MUC3A: variants seen among roughly 807,000 people sequenced by gnomAD.
The protein encoded by MUC3A is mucin 3A, cell surface associated.
In MUC3A, 109 loss-of-function variants were observed where a neutral mutation model predicts 109.0. That is an observed-to-expected ratio of 1.00 (90% confidence interval 0.86 to 1.17). MUC3A has a LOEUF of 1.17. MUC3A is among the 50% of genes most tolerant of loss of function. MUC3A has a pLI of 0.00. For synonymous variants in MUC3A, 1,398 were observed against 981.4 expected, an observed-to-expected ratio of 1.42 and a Z score of -7.93; for missense variants, 3,537 against 2,469.4, an observed-to-expected ratio of 1.43 and a Z score of -9.16.
Position 100,957,322 on chromosome 7 carries a change from C to T in MUC3A, c.5543C>T (p.Ala1848Val), listed in dbSNP as rs950190863. 2 of 584,288 alleles carry T rather than the reference C, an allele frequency of 3.4e-6. No individual in the cohort carries two copies. The highest frequency in any genetic ancestry group is 6.0e-6 in the Non-Finnish European group (2 of 333,698). The allele number at this position is 584,288 out of a possible 1,614,324, so 36.2% of individuals were successfully genotyped here. The change falls in exon 2 of 12, where the codon GCT (alanine) becomes GTT (valine). Residue 1848 changes from alanine (A) to valine (V), a missense_variant. By Grantham distance (64) the Ala-to-Val change is moderately conservative (BLOSUM62 0). Transcript: ENST00000379458. Reference protein sequence around the residue: ...ETTYPTSLTSALTDSTTRTTY... With the variant: ...ETTYPTSLTSVLTDSTTRTTY... ...ACCTACCCTACTTCTCTTACTAGTG[C>T]TCTCACAGATTCCACGACCAGAACC...
Position 100,956,951 on chromosome 7 carries a change from A to G in MUC3A, c.5172A>G (p.Thr1724=). The G allele has an allele frequency of 2.4e-6, 1 of 417,634 alleles. No homozygotes were observed. The highest frequency in any genetic ancestry group is 4.2e-5 in the Admixed American group (1 of 23,624). 25.9% of individuals were successfully genotyped at this position (417,634 alleles called of 1,614,324 possible). A position where few individuals can be genotyped will look rare whatever the true frequency, so the allele number is the denominator to read the frequency against. ...TPSSTVATTG[T]GQTTFTSSTA... ...CATCCACTGTAGCAACTACAGGCAC[A>G]GGTCAGACTACATTCACCAGTTCAA... Residue 1724 remains threonine (T), a synonymous_variant, in exon 2 of 12, where the codon ACA becomes ACG. Transcript: ENST00000379458.
At position 100,966,459 on chromosome 7, in the gene MUC3A, G is replaced by C. The variant is rs945456500; in HGVS notation, c.9685G>C (p.Gly3229Arg). ...EVAVHWRALV[G>R]GLTAGAALLV... ...GGCCGTCCACTGGAGGGCGCTGGTCGGGGGCCTGACGGCCGGCGCCGCGCT... is the reference window on the plus strand; with the variant it reads ...GGCCGTCCACTGGAGGGCGCTGGTCCGGGGCCTGACGGCCGGCGCCGCGCT... Residue 3229 changes from glycine to arginine, a missense_variant, in exon 9 of 12, where the codon GGG becomes CGG. Transcript: ENST00000379458. The C allele has an allele frequency of 3.0e-6, 4 of 1,343,560 alleles. No individual in the cohort carries two copies. Among genetic ancestry groups the C allele is most frequent in the African/African-American group, 1.5e-5 (1 of 66,780 alleles). The allele number at this position is 1,343,560 out of a possible 1,614,324, so 83.2% of individuals were successfully genotyped here. A position where few individuals can be genotyped will look rare whatever the true frequency, so the allele number is the denominator to read the frequency against.
rs770880235 is a variant in MUC3A, at chr7:100,964,808, C to T, written c.9347C>T (p.Ala3116Val). 3.1e-6 allele frequency: 5 copies of T among 1,598,236 alleles called. No homozygotes were observed. Among genetic ancestry groups the T allele is most frequent in the South Asian group, 2.2e-5 (2 of 91,074 alleles). The change falls in exon 6 of 12, where the codon GCC becomes GTC. Residue 3116 changes from alanine (A) to valine (V), a missense_variant. By Grantham distance (64) the Ala-to-Val change is moderately conservative. Transcript: ENST00000379458. ...KTTLKEGLQNASQDVNSCQDS... is the reference protein window; with the variant it reads ...KTTLKEGLQNVSQDVNSCQDS... ...ACGCTGAAGGAGGGGCTGCAGAACG[C>T]CAGCCAGGATGTGAACAGCTGCCAG... is the stretch of plus-strand genomic sequence containing the variant.
rs997005337 is a variant in MUC3A at position 100,961,024 on chromosome 7, G to A, written c.9052+87G>A. On this transcript the variant is annotated intron_variant, in intron 3 of 11. Transcript: ENST00000379458. ...GACTTATCCCTCTGTGGGGCCTGGA[G>A]GCACCCATGCCTTTTTGCCCGGTCC... The A allele has an allele frequency of 6.3e-6, 10 of 1,587,430 alleles. No individual in the cohort carries two copies. In the African/African-American group the frequency reaches 1.3e-4, roughly 21 times the overall value.
rs763397611 is a variant in MUC3A at position 100,959,186 on chromosome 7, G to A, written c.7407G>A (p.Ala2469=). Residue 2469 remains alanine, a synonymous_variant, in exon 2 of 12, where the codon GCG becomes GCA. Transcript: ENST00000379458. The stretch of plus-strand genomic sequence containing the variant: ...CACATTTTACTACCTCAGAGACTGC[G>A]GTGACTCCCACACCTGTAACCCCAT... The part of the protein sequence containing the change: ...ITSHFTTSET[A]VTPTPVTPSS... 5.1e-5 allele frequency: 81 copies of A among 1,597,732 alleles called. No individual in the cohort carries two copies. Among genetic ancestry groups the A allele is most frequent in the African/African-American group, 1.2e-4 (9 of 74,716 alleles).
Position 100,959,122 on chromosome 7 carries a change from T to A in MUC3A, c.7343T>A (p.Ile2448Asn). The A allele has an allele frequency of 7.0e-7, 1 of 1,418,546 alleles. No individual in the cohort carries two copies. 87.9% of individuals were successfully genotyped at this position (1,418,546 alleles called of 1,614,324 possible). A position where few individuals can be genotyped will look rare whatever the true frequency, so the allele number is the denominator to read the frequency against. Residue 2448 changes from isoleucine to asparagine, a missense_variant, in exon 2 of 12, where the codon ATC becomes AAC. Ile to Asn is a moderately radical substitution (Grantham distance 149). Coordinates refer to ENST00000379458, the MANE Select transcript of MUC3A (RefSeq NM_005960.2). Reference sequence around the variant, plus strand: ...ACTCCCAGCCTCAGTTCTTCAACCATCTACTCCACAGTCAGCACATCCACA... The same window carrying A: ...ACTCCCAGCCTCAGTTCTTCAACCAACTACTCCACAGTCAGCACATCCACA... ...ESTPSLSSST[I>N]YSTVSTSTTA...
In MUC3A at chr7:100,967,461, T is replaced by C. The variant is rs4557629; in HGVS notation, c.*299T>C. The C allele has an allele frequency of 0.2, 101,913 of 521,554 alleles. 97 individuals are homozygous for C. Among genetic ancestry groups the C allele is most frequent in the East Asian group, 0.3 (9,664 of 31,984 alleles). The allele number at this position is 521,554 out of a possible 1,614,324, so 32.3% of individuals were successfully genotyped here. A position where few individuals can be genotyped will look rare whatever the true frequency, so the allele number is the denominator to read the frequency against. On this transcript the variant is annotated 3_prime_UTR_variant, in exon 12 of 12. Coordinates refer to ENST00000379458, the MANE Select transcript of MUC3A (RefSeq NM_005960.2). The stretch of plus-strand genomic sequence containing the variant: ...ATTCCTGTATGATAGCTCACGCCGT[T>C]GTTGTGAAAACCACATAGACTTGGT...
At chr7:100,967,029 C>G (rs587714429) in intron 11 of MUC3A, 78 bp downstream of exon 11, 3 of 1,598,494 alleles carry the variant, frequency 1.9e-6, no homozygotes, top group Middle Eastern at 1.7e-4. Flanking sequence ...CCCACCAGGG[C>G]AGGGAGGGGG....
In MUC3A at chr7:100,959,764, C is replaced by T. The variant is rs1227168075; in HGVS notation, c.7985C>T (p.Ser2662Phe). 6.3e-7 allele frequency: 1 copy of T among 1,598,060 alleles called. No homozygotes were observed. The highest frequency in any genetic ancestry group is 8.5e-7 in the Non-Finnish European group (1 of 1,179,612). Reference sequence around the variant, plus strand: ...TCTACAAGTGAGTTCACTACAGAATCTTTCACTAGGGGAAGTACGTCTACA... The same window carrying T: ...TCTACAAGTGAGTTCACTACAGAATTTTTCACTAGGGGAAGTACGTCTACA... Reference protein sequence around the residue: ...LTSTSEFTTESFTRGSTSTNA... With the variant: ...LTSTSEFTTEFFTRGSTSTNA... The change falls in exon 2 of 12, where the codon TCT (serine) becomes TTT (phenylalanine). Residue 2662 changes from serine to phenylalanine, a missense_variant. Coordinates refer to ENST00000379458, the MANE Select transcript of MUC3A (RefSeq NM_005960.2).
At chr7:100,964,572 T>A in intron 5 of MUC3A, 123 bp from the exon 6 acceptor site, 1 of 1,427,574 alleles carries the variant, frequency 7.0e-7, no homozygotes, top group Non-Finnish European at 9.2e-7. Context: ...GCACGTGGCA[T>A]CCCAACTCAT....
Position 100,965,726 on chromosome 7 carries a change from C to A in MUC3A, c.9471C>A (p.Pro3157=). The change falls in exon 8 of 12, where the codon CCC becomes CCA. Residue 3157 remains proline, a synonymous_variant. Coordinates refer to ENST00000379458, the MANE Select transcript of MUC3A (RefSeq NM_005960.2). Reference sequence around the variant, plus strand: ...CAGCCATCTGCCGCCGCGCCGCTCCCACGGGCTATGAAGAGTTCTACTTCC... The same window carrying A: ...CAGCCATCTGCCGCCGCGCCGCTCCAACGGGCTATGAAGAGTTCTACTTCC... ...TPAAICRRAA[P]TGYEEFYFPL... 1 of 1,597,936 alleles carries A rather than the reference C, an allele frequency of 6.3e-7. No homozygotes were observed. The highest frequency in any genetic ancestry group is 8.5e-7 in the Non-Finnish European group (1 of 1,179,478).
At chr7:100,964,326 A>C in intron 5 of MUC3A, 4 of 241,168 alleles carry the variant, frequency 1.7e-5, no homozygotes, top group Admixed American at 5.5e-5. Context: ...CAGGCATGGT[A>C]GTGCACACCT....
In MUC3A at chr7:100,952,049, A is replaced by G. The variant is rs750247892; in HGVS notation, c.270A>G (p.Thr90=). 1.3e-6 allele frequency: 2 copies of G among 1,598,566 alleles called. No homozygotes were observed. The highest frequency in any genetic ancestry group is 1.3e-5 in the African/African-American group (1 of 74,960). The part of the protein sequence containing the change: ...TSPHDTLISE[T]LLNSPVSSNT... Reference sequence around the variant, plus strand: ...CCCATGACACACTCATCTCTGAAACATTGCTCAACTCTCCAGTCAGTTCCA... The same window carrying G: ...CCCATGACACACTCATCTCTGAAACGTTGCTCAACTCTCCAGTCAGTTCCA... The change falls in exon 2 of 12, where the codon ACA becomes ACG. Residue 90 remains threonine, a synonymous_variant. Coordinates refer to ENST00000379458, the MANE Select transcript of MUC3A (RefSeq NM_005960.2).
At position 100,957,130 on chromosome 7, in the gene MUC3A, C is replaced by A. The variant is rs1296962349; in HGVS notation, c.5351C>A (p.Pro1784His). The change falls in exon 2 of 12, where the codon CCC (proline) becomes CAC (histidine). Residue 1784 changes from proline to histidine, a missense_variant. Physicochemically the swap from Pro to His is moderately conservative, Grantham distance 77. Transcript: ENST00000379458. ...ATGACAACTACCACCCCTCTAGGGC[C>A]CACAGCCACTAATACGTTACCATCA... ...TSMTTTTPLG[P>H]TATNTLPSFT... 2.1e-3 allele frequency: 952 copies of A among 457,476 alleles called. No homozygotes were observed. The highest frequency in any genetic ancestry group is 0.018 in the African/African-American group (899 of 48,900). 28.3% of individuals were successfully genotyped at this position (457,476 alleles called of 1,614,324 possible).
chr7:100,959,377 A>T lies in MUC3A; in HGVS notation c.7598A>T (p.Gln2533Leu). Reference sequence around the variant, plus strand: ...ATCATTTCATCTTCTCCCTCCATCCAAAGTACAGAAACCTCATCCCTTGTG... The same window carrying T: ...ATCATTTCATCTTCTCCCTCCATCCTAAGTACAGAAACCTCATCCCTTGTG... ...THIISSSPSI[Q>L]STETSSLVGT... Residue 2533 changes from glutamine (Q) to leucine (L), a missense_variant, in exon 2 of 12, where the codon CAA (glutamine) becomes CTA (leucine). Transcript: ENST00000379458. The T allele has an allele frequency of 6.5e-7, 1 of 1,538,628 alleles. No homozygotes were observed. The highest frequency in any genetic ancestry group is 1.9e-5 in the Admixed American group (1 of 52,092).
intron 3 of MUC3A, among the ~76,000 whole-genome samples, chr7:100,962,814 T>A (rs1258932499): frequency 8.1e-4 from 66 of 81,138 alleles, no homozygotes; most frequent in African/African-American, 1.2e-3. Flanking sequence ...TCTCTCTCTC[T>A]TTCTTTCTTT....
rs988364808 is a variant in MUC3A, at chr7:100,960,549, G to C, written c.8770G>C (p.Val2924Leu). 5.0e-6 allele frequency: 8 copies of C among 1,598,730 alleles called. No homozygotes were observed. The highest frequency in any genetic ancestry group is 1.7e-4 in the Middle Eastern group (1 of 6,060). Residue 2924 changes from valine to leucine, a missense_variant, in exon 2 of 12, where the codon GTG becomes CTG. By Grantham distance (32) the Val-to-Leu change is conservative (BLOSUM62 1). Coordinates refer to ENST00000379458, the MANE Select transcript of MUC3A (RefSeq NM_005960.2). ...PPTTRTSETP[V>L]ATTQTPTTLT... The stretch of plus-strand genomic sequence containing the variant: ...CACCACTAGGACTTCAGAGACACCA[G>C]TGGCCACTACCCAGACTCCTACCAC...
chr7:100,963,565 G>A (rs568674389), intron 4 of MUC3A, 123 bp from the exon 5 acceptor site: 509 of 1,466,572 alleles, frequency 3.5e-4, no homozygotes, highest in Non-Finnish European at 4.2e-4. Flanking sequence ...GATTACAGGC[G>A]TGAGCCACGG....
Position 100,953,035 on chromosome 7 carries a change from C to G in MUC3A, c.1256C>G (p.Ser419Cys). The change falls in exon 2 of 12, where the codon TCC becomes TGC. Residue 419 changes from serine (S) to cysteine (C), a missense_variant. By Grantham distance (112) the Ser-to-Cys change is moderately radical. Transcript: ENST00000379458. The part of the protein sequence containing the change: ...STVSTSTTAI[S>C]SLPPTSGTMV... ...GTCAGCACATCCACAACTGCCATCT[C>G]CTCACTTCCCCCTACCTCAGGTACT... The G allele has an allele frequency of 7.2e-6, 11 of 1,527,064 alleles. No homozygotes were observed. The highest frequency in any genetic ancestry group is 6.3e-6 in the Non-Finnish European group (7 of 1,114,744). The allele number at this position is 1,527,064 out of a possible 1,614,324, so 94.6% of individuals were successfully genotyped here.
Sources: allele counts gnomAD v4.1 joint callset (sites outside exome capture counted in the v4.1 genomes callset), GRCh38; gene constraint gnomAD v4.1.1; transcripts MANE v1.5; gene names NCBI Gene and HGNC (gene_info 2026-07-23, HGNC 2026-07-21).